NHS: variants seen among roughly 807,000 people sequenced by gnomAD.
The protein encoded by NHS is actin remodeling regulator NHS.
In NHS, 5 loss-of-function variants were observed where a neutral mutation model predicts 72.5. The ratio of observed to expected loss-of-function variants is 0.07; its 90% CI spans 0.04 to 0.14. NHS has a LOEUF of 0.14. Ranked by LOEUF, NHS falls within the 10% of genes least tolerant of loss-of-function variation. The pLI, the probability that NHS is intolerant of heterozygous loss-of-function variation, is 1.00. For missense variants in NHS, 1,072 were observed against 1,355.7 expected (o/e 0.79, Z 3.29); for synonymous variants, 464 against 547.7 (o/e 0.85, Z 2.13).
chrX:17,471,025 C>T (rs2064890457), intron 1 of NHS, among the ~76,000 whole-genome samples: 1 of 111,640 alleles, frequency 9.0e-6, no homozygotes. Context: ...AATTTAGATA[C>T]TTTATACCCA....
At position 17,666,148 on chromosome X, in the gene NHS, T is replaced by C. The variant is rs2066011756; in HGVS notation, c.566-21594T>C. ...GTAAAGAAGAAGTGGAAAATGATGA[T>C]AGAAAGATACCTTGGAGCCAGATCA... is the stretch of plus-strand genomic sequence containing the variant. On this transcript the variant is annotated intron_variant, in intron 1 of 8. Transcript: ENST00000676302. Among the ~76,000 whole-genome samples, 3 of 111,926 alleles carry C rather than the reference T, an allele frequency of 2.7e-5. 1 individual carries two copies. In the South Asian group the frequency reaches 1.1e-3, roughly 42 times the overall value.
At chrX:17,560,104 C>A (rs1379652681) in intron 1 of NHS, among the ~76,000 whole-genome samples, 1 of 112,042 alleles carries the variant, frequency 8.9e-6, no homozygotes, top group Non-Finnish European at 1.9e-5. Flanking sequence ...CCCTAGAGTG[C>A]ACACTCTGCA....
chrX:17,712,253 G>GTATATATATATATATATATATATA (rs1216194040), intron 3 of NHS, among the ~76,000 whole-genome samples: 1 of 50,151 alleles, frequency 2.0e-5, no homozygotes, highest in African/African-American at 6.7e-5. Context: ...TTGTGTGTGT[G>GTATATATATATATATATATATATA]TATATATATA....
chrX:17,701,874 A>T (rs2066266858), intron 3 of NHS, among the ~76,000 whole-genome samples: 1 of 111,707 alleles, frequency 9.0e-6, no homozygotes, highest in Admixed American at 9.5e-5. Context: ...GGTATCAATC[A>T]CATTGGAACA....
chrX:17,564,547 A>T (rs1601773689), intron 1 of NHS, among the ~76,000 whole-genome samples: 1 of 112,214 alleles, frequency 8.9e-6, no homozygotes, highest in Middle Eastern at 4.6e-3. Flanking sequence ...ATTGAAATGG[A>T]ATGATTCTGT....
At chrX:17,473,282 C>A (rs751056890) in intron 1 of NHS, among the ~76,000 whole-genome samples, 153 of 111,909 alleles carry the variant, frequency 1.4e-3, no homozygotes, top group Non-Finnish European at 2.2e-3. Context: ...ATATATGAAC[C>A]AGCCAGATCA....
chrX:17,415,440 C>T (rs2064588572), intron 1 of NHS, among the ~76,000 whole-genome samples: 1 of 110,896 alleles, frequency 9.0e-6, no homozygotes, highest in Non-Finnish European at 1.9e-5. Flanking sequence ...TCCCTTTTCC[C>T]CTCTGCCCTC....
chrX:17,609,678 G>GAGGAGACA (rs2065699658), intron 1 of NHS, among the ~76,000 whole-genome samples: 2 of 112,319 alleles, frequency 1.8e-5, no homozygotes, highest in Non-Finnish European at 3.8e-5. Context: ...AACATCACCA[G>GAGGAGACA]AGGAGACAAA....
At chrX:17,684,316 C>T (rs181222241) in intron 1 of NHS, among the ~76,000 whole-genome samples, 72 of 112,027 alleles carry the variant, frequency 6.4e-4, no homozygotes, top group Middle Eastern at 4.6e-3. Context: ...GCAAACTTAG[C>T]ACCTTAAAAC....
At chrX:17,514,174 A>G (rs2065106296) in intron 1 of NHS, among the ~76,000 whole-genome samples, 1 of 112,282 alleles carries the variant, frequency 8.9e-6, no homozygotes, top group Non-Finnish European at 1.9e-5. Context: ...AGAATTCAAG[A>G]TGAGATTTAA....
intron 1 of NHS, among the ~76,000 whole-genome samples, chrX:17,403,424 C>T (rs1397908475): frequency 9.0e-6 from 1 of 111,440 alleles, no homozygotes; most frequent in Non-Finnish European, 1.9e-5. Flanking sequence ...GGCATGTTTT[C>T]GTGGCTGAGA....
intron 1 of NHS, among the ~76,000 whole-genome samples, chrX:17,593,955 G>T (rs1281345476): frequency 9.0e-6 from 1 of 111,584 alleles, no homozygotes; most frequent in East Asian, 2.8e-4. Context: ...TTCTTTTTCA[G>T]TTTCTTTTTC....
At chrX:17,453,334 C>T (rs2064813634) in intron 1 of NHS, among the ~76,000 whole-genome samples, 1 of 111,855 alleles carries the variant, frequency 8.9e-6, no homozygotes, top group African/African-American at 3.2e-5. Flanking sequence ...AAAATGACAT[C>T]TTTAGTTTCA....
intron 1 of NHS, among the ~76,000 whole-genome samples, chrX:17,442,901 A>C (rs925187649): frequency 2.9e-4 from 32 of 112,238 alleles, no homozygotes; most frequent in African/African-American, 9.7e-4. Context: ...GAGCCCCTTC[A>C]TGTGGACAGC....
At chrX:17,443,745 C>G (rs1443585167) in intron 1 of NHS, among the ~76,000 whole-genome samples, 1 of 112,132 alleles carries the variant, frequency 8.9e-6, no homozygotes, top group Non-Finnish European at 1.9e-5. Context: ...TGATTGAAAC[C>G]ACATTTTTAT....
intron 1 of NHS, among the ~76,000 whole-genome samples, chrX:17,390,460 G>C (rs181720480): frequency 2.2e-4 from 23 of 103,735 alleles, no homozygotes; most frequent in Non-Finnish European, 3.5e-4. Flanking sequence ...TTAACTTCAA[G>C]AAGTGCATCA....
intron 1 of NHS, among the ~76,000 whole-genome samples, chrX:17,607,981 C>T (rs962802638): frequency 5.8e-5 from 6 of 102,707 alleles, no homozygotes; most frequent in Middle Eastern, 4.9e-3. Context: ...TTCAGTGGCA[C>T]GATCATAGCT....
chrX:17,710,514 G>A (rs1455146706), intron 3 of NHS, among the ~76,000 whole-genome samples: 5 of 112,485 alleles, frequency 4.4e-5, no homozygotes, highest in Admixed American at 9.4e-5. Context: ...ATTATTCTGG[G>A]TGAAAGAAAC....
chrX:17,448,010 C>T, intron 1 of NHS, among the ~76,000 whole-genome samples: 1 of 111,610 alleles, frequency 9.0e-6, no homozygotes, highest in Middle Eastern at 4.6e-3. Context: ...TTCCCAAGTC[C>T]CCTCCTTGTT....
Sources: gnomAD v4.1 joint callset for allele counts (sites outside exome capture counted in the v4.1 genomes callset) on GRCh38, gnomAD v4.1.1 for gene constraint, MANE v1.5 for transcripts, NCBI Gene and HGNC (gene_info 2026-07-23, HGNC 2026-07-21) for gene names.